The following KIF5B variants were observed in gnomAD, a reference collection of about 807,000 sequenced individuals.
The protein encoded by KIF5B is kinesin family member 5B.
A neutral mutation model predicts 132.8 loss-of-function variants in KIF5B; 49 were observed. The observed-to-expected ratio is 0.37, with a 90% CI of 0.29 to 0.47. The LOEUF (loss-of-function observed/expected upper bound fraction) is 0.47. Among genes scored for constraint, KIF5B ranks in the 20% least tolerant of loss-of-function variants. The pLI, the probability that KIF5B is intolerant of heterozygous loss-of-function variation, is 1.00. For synonymous variants in KIF5B, 355 were observed against 369.4 expected (o/e 0.96, Z 0.45); for missense variants, 780 against 1,144.0 (o/e 0.68, Z 4.59).
At chr10:32,051,128 TA>T (rs1841689019) in intron 1 of KIF5B, among the ~76,000 whole-genome samples, 2 of 152,222 alleles carry the variant, frequency 1.3e-5, no homozygotes, top group Admixed American at 6.5e-5. Context: ...TTGGATCTAA[TA>T]TAAGTGATCA....
intron 20 of KIF5B, 50 bp from the exon 21 acceptor site, chr10:32,018,612 G>A (rs2132581509): frequency 3.9e-6 from 3 of 766,302 alleles, no homozygotes; most frequent in Non-Finnish European, 6.1e-6. Context: ...TCTGTATATT[G>A]TACTTAGCAT....
intron 25 of KIF5B, among the ~76,000 whole-genome samples, chr10:32,013,037 G>A (rs938058541): frequency 6.6e-6 from 1 of 152,008 alleles, no homozygotes; most frequent in Non-Finnish European, 1.5e-5. Context: ...GAGTAGCTGG[G>A]ATTACAGGCA....
chr10:32,048,675 G>T, intron 1 of KIF5B, 124 bp from the exon 2 acceptor site: 1 of 604,450 alleles, frequency 1.7e-6, no homozygotes, highest in East Asian at 2.9e-5. Context: ...GCATAATTTG[G>T]TATCATTGAA....
intron 8 of KIF5B, 125 bp downstream of exon 8, chr10:32,037,129 C>T: frequency 1.2e-6 from 1 of 819,010 alleles, no homozygotes; most frequent in East Asian, 2.6e-5. Flanking sequence ...TCAGCGGTTA[C>T]AAATCTCAGG....
Position 32,021,131 on chromosome 10 carries a change from G to C in KIF5B, c.2095C>G (p.Gln699Glu). The change falls in exon 19 of 26, where the codon CAA (glutamine) becomes GAA (glutamate). Residue 699 changes from glutamine (Q) to glutamate (E), a missense_variant and splice_region_variant. Physicochemically the swap from Gln to Glu is conservative, Grantham distance 29. Coordinates refer to ENST00000302418, the MANE Select transcript of KIF5B (RefSeq NM_004521.3). ...NKVQTANEVK[Q>E]AVEQQIQSHR... Reference sequence around the variant, plus strand: ...CTCTGGATCTGCTGTTCAACAGCTTGCTAAAATTTTGGGGGGGAAAAGGAT... The same window carrying C: ...CTCTGGATCTGCTGTTCAACAGCTTCCTAAAATTTTGGGGGGGAAAAGGAT... The C allele has an allele frequency of 1.2e-6, 2 of 1,612,376 alleles. No individual in the cohort carries two copies. The highest frequency in any genetic ancestry group is 1.7e-6 in the Non-Finnish European group (2 of 1,178,744).
At chr10:32,041,917 C>G (rs1322725786) in intron 2 of KIF5B, among the ~76,000 whole-genome samples, 1 of 152,160 alleles carries the variant, frequency 6.6e-6, no homozygotes, top group Non-Finnish European at 1.5e-5. Flanking sequence ...TAAGTAAGCC[C>G]CTGCACCTGA....
In KIF5B at chr10:32,033,873, G is replaced by C; in HGVS notation, c.1277C>G (p.Ala426Gly). 3.1e-6 allele frequency: 5 copies of C among 1,612,598 alleles called. No individual in the cohort carries two copies. The highest frequency in any genetic ancestry group is 4.2e-6 in the Non-Finnish European group (5 of 1,179,310). The change falls in exon 12 of 26, where the codon GCT (alanine) becomes GGT (glycine). Residue 426 changes from alanine (A) to glycine (G), a missense_variant. Coordinates refer to ENST00000302418, the MANE Select transcript of KIF5B (RefSeq NM_004521.3). Reference protein sequence around the residue: ...AERRKCEEEIAKLYKQLDDKD... With the variant: ...AERRKCEEEIGKLYKQLDDKD... ...GTCATCAAGCTGTTTGTATAATTTA[G>C]CAATTTCTTCTTCACACTTTCTTCT... is the stretch of plus-strand genomic sequence containing the variant.
At chr10:32,032,191 G>A (rs1470317588) in intron 13 of KIF5B, among the ~76,000 whole-genome samples, 1 of 151,982 alleles carries the variant, frequency 6.6e-6, no homozygotes, top group African/African-American at 2.4e-5. Context: ...AATGTTTAAT[G>A]TCCTATAATA....
intron 3 of KIF5B, 45 bp downstream of exon 3, chr10:32,040,339 G>C: frequency 9.5e-7 from 1 of 1,055,532 alleles, no homozygotes; most frequent in South Asian, 1.3e-5. Flanking sequence ...AATGAATGCT[G>C]TATGTATTGC....
rs200785500 is a variant in KIF5B at position 32,019,965 on chromosome 10, G to A, written c.2205-6C>T. 789 of 1,570,258 alleles carry A rather than the reference G, an allele frequency of 5.0e-4. 2 individuals are homozygous for A. The Middle Eastern group carries it at 6.6e-3, about 13-fold the overall frequency. ...ACATCATTTTCTGGTTTTGGCTGAC[G>A]AAAGAAAAAAATAATTAACACAGTA... On this transcript the variant is annotated splice_polypyrimidine_tract_variant and splice_region_variant and intron_variant, in intron 19 of 25. Coordinates refer to ENST00000302418, the MANE Select transcript of KIF5B (RefSeq NM_004521.3).
At chr10:32,020,169 CTCTG>C (rs1841238978) in intron 19 of KIF5B, among the ~76,000 whole-genome samples, 1 of 152,104 alleles carries the variant, frequency 6.6e-6, no homozygotes, top group African/African-American at 2.4e-5. Context: ...TTCTGTTCTC[CTCTG>C]TCTTTCATCT....
intron 17 of KIF5B, among the ~76,000 whole-genome samples, chr10:32,021,865 G>C (rs1395296191): frequency 6.6e-6 from 1 of 152,064 alleles, no homozygotes; most frequent in African/African-American, 2.4e-5. Flanking sequence ...CTAGCTACTA[G>C]GGAGGCTGCA....
chr10:32,042,253 A>G (rs1222976350), intron 2 of KIF5B, among the ~76,000 whole-genome samples: 12 of 152,232 alleles, frequency 7.9e-5, no homozygotes, highest in Non-Finnish European at 1.5e-5. Context: ...GATTTCCTAC[A>G]GAAACATTTA....
chr10:32,034,107 A>G, intron 11 of KIF5B, 69 bp from the exon 12 acceptor site: 1 of 993,188 alleles, frequency 1.0e-6, no homozygotes, highest in Non-Finnish European at 1.4e-6. Flanking sequence ...TCATTCCTTT[A>G]AAAATTTTTT....
At chr10:32,053,766 A>G (rs1285812441) in intron 1 of KIF5B, among the ~76,000 whole-genome samples, 2 of 151,852 alleles carry the variant, frequency 1.3e-5, no homozygotes, top group African/African-American at 2.4e-5. Flanking sequence ...CAACCAACCA[A>G]CCAAAAAACA....
chr10:32,031,022 T>G, intron 14 of KIF5B, 51 bp downstream of exon 14: 1 of 1,318,296 alleles, frequency 7.6e-7, no homozygotes, highest in African/African-American at 1.5e-5. Flanking sequence ...GTTTTTAGGT[T>G]AAGAATACTT....
intron 21 of KIF5B, 52 bp downstream of exon 21, chr10:32,018,450 A>G: frequency 3.1e-6 from 5 of 1,592,038 alleles, no homozygotes; most frequent in South Asian, 1.1e-5. Context: ...ATCATGGTAG[A>G]AAAAACCCAC....
At chr10:32,027,307 A>G (rs184158403) in intron 15 of KIF5B, among the ~76,000 whole-genome samples, 1 of 152,180 alleles carries the variant, frequency 6.6e-6, no homozygotes, top group Non-Finnish European at 1.5e-5. Context: ...TTTTTCAGTT[A>G]AGAGTCTTAG....
chr10:32,032,472 A>G (rs767655559), intron 13 of KIF5B, among the ~76,000 whole-genome samples: 2 of 152,192 alleles, frequency 1.3e-5, no homozygotes, highest in Non-Finnish European at 2.9e-5. Flanking sequence ...GTAAGTGACA[A>G]GAAGAGAAAT....
Sources: gnomAD v4.1 joint callset for allele counts (sites outside exome capture counted in the v4.1 genomes callset) on GRCh38, gnomAD v4.1.1 for gene constraint, MANE v1.5 for transcripts, NCBI Gene and HGNC (gene_info 2026-07-23, HGNC 2026-07-21) for gene names.